The following ZBTB20 variants were observed in gnomAD, a reference collection of about 807,000 sequenced individuals.
The protein encoded by ZBTB20 is zinc finger and BTB domain containing 20, also known as zinc finger and BTB domain-containing protein 20.
In ZBTB20, 9 loss-of-function variants were observed where a neutral mutation model predicts 56.9. That is an observed-to-expected ratio of 0.16 (90% CI 0.10 to 0.28). ZBTB20 has a LOEUF of 0.28. ZBTB20 is among the 10% of genes least tolerant of loss of function. The probability of loss-of-function intolerance (pLI) is 1.00; values close to 1 mark genes in which losing one functional copy is unlikely to be tolerated. For synonymous variants in ZBTB20, 417 were observed against 420.7 expected (o/e 0.99, Z 0.11); for missense variants, 655 against 1,003.0 (o/e 0.65, Z 4.69).
chr3:114,517,782 G>A (rs2046182925), intron 6 of ZBTB20, among the ~76,000 whole-genome samples: 1 of 152,054 alleles, frequency 6.6e-6, no homozygotes. Flanking sequence ...CACCATCTTG[G>A]CCAGGTTGGT....
At chr3:114,399,754 T>C (rs2086655517) in intron 7 of ZBTB20, among the ~76,000 whole-genome samples, 2 of 152,142 alleles carry the variant, frequency 1.3e-5, no homozygotes, top group African/African-American at 4.8e-5. Context: ...TTTCTTCTTT[T>C]TGTAGTAAAA....
intron 6 of ZBTB20, among the ~76,000 whole-genome samples, chr3:114,679,275 T>C (rs1049703792): frequency 6.6e-6 from 1 of 152,016 alleles, no homozygotes; most frequent in Non-Finnish European, 1.5e-5. Context: ...AAACCCAAAA[T>C]TGACAAATGG....
chr3:114,338,175 T>C lies in ZBTB20; in HGVS notation c.*830A>G, dbSNP rs139564595. 5.3e-5 allele frequency: 8 copies of C among 152,224 alleles called. No individual in the cohort carries two copies. The highest frequency in any genetic ancestry group is 8.8e-5 in the Non-Finnish European group (6 of 68,014). 9.4% of individuals were successfully genotyped at this position (152,224 alleles called of 1,614,324 possible). On this transcript the variant is annotated 3_prime_UTR_variant, in exon 12 of 12. Coordinates refer to ENST00000675478, the MANE Select transcript of ZBTB20 (RefSeq NM_001348800.3). ...TAGGTGCAAATTTCTGATATCTTTG[T>C]TTTATCTGCATTCCTGCCTTTCATG...
intron 6 of ZBTB20, among the ~76,000 whole-genome samples, chr3:114,555,530 G>A (rs926266133): frequency 1.3e-5 from 2 of 152,054 alleles, no homozygotes; most frequent in African/African-American, 4.8e-5. Context: ...CATGTCATTT[G>A]TCCTGATTCC....
chr3:115,011,791 ACTG>A (rs1172624795), intron 2 of ZBTB20, among the ~76,000 whole-genome samples: 1 of 151,906 alleles, frequency 6.6e-6, no homozygotes, highest in Non-Finnish European at 1.5e-5. Flanking sequence ...CAGTGTATAA[ACTG>A]CTATCTCTTA....
intron 1 of ZBTB20, among the ~76,000 whole-genome samples, chr3:115,139,284 T>G (rs2084743227): frequency 6.6e-6 from 1 of 152,036 alleles, no homozygotes; most frequent in African/African-American, 2.4e-5. Flanking sequence ...TTTAAGCCTT[T>G]CACTACCATT....
chr3:114,323,796 C>T lies in ZBTB20; in HGVS notation c.*15209G>A, dbSNP rs1032554526. ...AGTTGACAGAGATTCCACAGATTCT[C>T]GCCAACCCTGCTAAGATCAAGCATG... On this transcript the variant is annotated 3_prime_UTR_variant, in exon 12 of 12. Transcript: ENST00000675478. 8.5e-5 allele frequency: 13 copies of T among 152,166 alleles called. No individual in the cohort carries two copies. The highest frequency in any genetic ancestry group is 1.6e-4 in the Non-Finnish European group (11 of 68,024). 9.4% of individuals were successfully genotyped at this position (152,166 alleles called of 1,614,324 possible). A position where few individuals can be genotyped will look rare whatever the true frequency, so the allele number is the denominator to read the frequency against.
At chr3:114,889,144 A>G (rs1466072783) in intron 4 of ZBTB20, among the ~76,000 whole-genome samples, 1 of 151,926 alleles carries the variant, frequency 6.6e-6, no homozygotes, top group Non-Finnish European at 1.5e-5. Flanking sequence ...TTTTTACCCT[A>G]ATGCACAGAA....
chr3:114,835,069 G>A (rs2074050961), intron 4 of ZBTB20, among the ~76,000 whole-genome samples: 1 of 152,022 alleles, frequency 6.6e-6, no homozygotes, highest in African/African-American at 2.4e-5. Context: ...TGTATTTAAG[G>A]ACACCAGCTA....
intron 2 of ZBTB20, among the ~76,000 whole-genome samples, chr3:114,983,174 C>A (rs547539488): frequency 4.6e-5 from 7 of 152,056 alleles, no homozygotes; most frequent in Admixed American, 4.6e-4. Context: ...TACATTGTTT[C>A]AGCAAACAAT....
At position 114,330,642 on chromosome 3, in the gene ZBTB20, A is replaced by T. The variant is rs2079216363; in HGVS notation, c.*8363T>A. ...ACAATATACATTTTAAAAAGTAATA[A>T]CGACAAAAAAGTTGCAACTGTAAGT... is the stretch of plus-strand genomic sequence containing the variant. On this transcript the variant is annotated 3_prime_UTR_variant, in exon 12 of 12. Coordinates refer to ENST00000675478, the MANE Select transcript of ZBTB20 (RefSeq NM_001348800.3). 6.6e-6 allele frequency: 1 copy of T among 152,240 alleles called. No individual in the cohort carries two copies. The highest frequency in any genetic ancestry group is 1.5e-5 in the Non-Finnish European group (1 of 68,040). The allele number at this position is 152,240 out of a possible 1,614,324, so 9.4% of individuals were successfully genotyped here.
intron 6 of ZBTB20, among the ~76,000 whole-genome samples, chr3:114,655,821 GA>G (rs1355584162): frequency 6.6e-6 from 1 of 152,058 alleles, no homozygotes; most frequent in African/African-American, 2.4e-5. Flanking sequence ...AGACTCATGA[GA>G]AAATACTATA....
chr3:114,679,787 A>C (rs1250799710), intron 6 of ZBTB20, among the ~76,000 whole-genome samples: 1 of 152,230 alleles, frequency 6.6e-6, no homozygotes, highest in Non-Finnish European at 1.5e-5. Context: ...ATTACTGGGT[A>C]TATACCCAAA....
At chr3:114,676,120 G>C (rs1356816485) in intron 6 of ZBTB20, among the ~76,000 whole-genome samples, 1 of 152,076 alleles carries the variant, frequency 6.6e-6, no homozygotes, top group African/African-American at 2.4e-5. Context: ...TGAATATTTT[G>C]GTTGCTAAAG....
chr3:114,971,479 C>A, intron 3 of ZBTB20, among the ~76,000 whole-genome samples: 1 of 152,070 alleles, frequency 6.6e-6, no homozygotes, highest in South Asian at 2.1e-4. Context: ...GATAAAAGTG[C>A]GGATTGTAAA....
intron 5 of ZBTB20, chr3:114,758,852 T>A (rs965793556): frequency 1.3e-5 from 2 of 152,210 alleles, no homozygotes. Flanking sequence ...TTCCTTTGCT[T>A]TCCCTTGTTC....
chr3:115,111,237 T>A (rs2083874446), intron 1 of ZBTB20, among the ~76,000 whole-genome samples: 1 of 151,936 alleles, frequency 6.6e-6, no homozygotes, highest in African/African-American at 2.4e-5. Context: ...AATTTGAATA[T>A]CAAACAGTAT....
At chr3:114,568,633 T>C (rs1310200454) in intron 6 of ZBTB20, among the ~76,000 whole-genome samples, 2 of 152,182 alleles carry the variant, frequency 1.3e-5, no homozygotes, top group African/African-American at 4.8e-5. Flanking sequence ...AGGGAAGATA[T>C]TTACCTACCA....
intron 6 of ZBTB20, among the ~76,000 whole-genome samples, chr3:114,608,094 G>T (rs754563654): frequency 1.3e-5 from 2 of 152,008 alleles, no homozygotes; most frequent in African/African-American, 4.8e-5. Context: ...TTACTAGGAA[G>T]GGTTGGGAGT....
Sources: allele counts gnomAD v4.1 joint callset (sites outside exome capture counted in the v4.1 genomes callset), GRCh38; gene constraint gnomAD v4.1.1; transcripts MANE v1.5; gene names NCBI Gene and HGNC (gene_info 2026-07-23, HGNC 2026-07-21).